BICC1: variants seen among roughly 807,000 people sequenced by gnomAD.
The protein encoded by BICC1 is BicC family RNA binding protein 1, also known as protein bicaudal C homolog 1.
BICC1 carries 43 observed loss-of-function variants against 111.0 expected under a neutral mutation model. The observed-to-expected ratio is 0.39, with a 90% CI of 0.30 to 0.50. The LOEUF is 0.50. BICC1 is among the 20% of genes least tolerant of loss of function. The pLI is 0.88. For synonymous variants in BICC1, 467 were observed against 434.4 expected (o/e 1.07, Z -0.93); for missense variants, 1,091 against 1,203.2 (o/e 0.91, Z 1.38).
At chr10:58,548,639 A>G (rs903314665) in intron 1 of BICC1, among the ~76,000 whole-genome samples, 1 of 151,838 alleles carries the variant, frequency 6.6e-6, no homozygotes, top group Non-Finnish European at 1.5e-5. Flanking sequence ...TTCAACCCTC[A>G]CCCCTTCCGA....
intron 3 of BICC1, among the ~76,000 whole-genome samples, chr10:58,741,874 C>T (rs1163252712): frequency 2.0e-5 from 3 of 152,102 alleles, no homozygotes; most frequent in Admixed American, 2.0e-4. Context: ...GCACTTTGAA[C>T]CAGCAATAGG....
chr10:58,789,732 T>C lies in BICC1; in HGVS notation c.846T>C (p.Ala282=), dbSNP rs145237525. Residue 282 remains alanine, a synonymous_variant, in exon 8 of 21, where the codon GCT becomes GCC. Transcript: ENST00000373886. Reference sequence around the variant, plus strand: ...ATCTTGCTGGGAGCTTAGCATCAGCTATTCCTGTGAGCACACAACTAGATA... The same window carrying C: ...ATCTTGCTGGGAGCTTAGCATCAGCCATTCCTGTGAGCACACAACTAGATA... ...LEHLAGSLAS[A]IPVSTQLDIA... 1.2e-3 allele frequency: 1,928 copies of C among 1,614,178 alleles called. 24 individuals are homozygous for C. In the African/African-American group the frequency reaches 0.023, roughly 19 times the overall value.
intron 2 of BICC1, among the ~76,000 whole-genome samples, chr10:58,672,477 T>C (rs1214082074): frequency 6.6e-6 from 1 of 152,212 alleles, no homozygotes; most frequent in Non-Finnish European, 1.5e-5. Flanking sequence ...GGAACCATGC[T>C]TCATATTGCA....
At chr10:58,530,275 A>G (rs1409703535) in intron 1 of BICC1, among the ~76,000 whole-genome samples, 5 of 151,892 alleles carry the variant, frequency 3.3e-5, no homozygotes. Context: ...GGCAAAGCCA[A>G]TACAATGATG....
intron 3 of BICC1, among the ~76,000 whole-genome samples, chr10:58,731,537 AT>A (rs1448593430): frequency 1.3e-5 from 2 of 152,232 alleles, no homozygotes; most frequent in African/African-American, 4.8e-5. Flanking sequence ...TAATAAAAAA[AT>A]ACATGAAACT....
intron 1 of BICC1, among the ~76,000 whole-genome samples, chr10:58,562,117 A>G (rs1843621878): frequency 6.6e-6 from 1 of 152,090 alleles, no homozygotes; most frequent in South Asian, 2.1e-4. Context: ...AATTAAATTT[A>G]CTTAAGGATT....
chr10:58,513,196 C>T lies in BICC1; in HGVS notation c.53C>T (p.Ser18Phe), dbSNP rs762678309. The T allele has an allele frequency of 1.9e-6, 3 of 1,599,252 alleles. No homozygotes were observed. The highest frequency in any genetic ancestry group is 2.6e-6 in the Non-Finnish European group (3 of 1,174,160). ...GYLAAQSDPG[S>F]NSERSTDSPV... ...CTGGCGGCGCAGTCGGACCCCGGCT[C>T]CAACAGCGAGCGCAGCACCGACTCC... is the stretch of plus-strand genomic sequence containing the variant. The change falls in exon 1 of 21, where the codon TCC becomes TTC. Residue 18 changes from serine to phenylalanine, a missense_variant. Coordinates refer to ENST00000373886, the MANE Select transcript of BICC1 (RefSeq NM_001080512.3).
intron 2 of BICC1, among the ~76,000 whole-genome samples, chr10:58,630,778 G>A (rs1457604242): frequency 6.6e-6 from 1 of 152,164 alleles, no homozygotes; most frequent in African/African-American, 2.4e-5. Flanking sequence ...AAAATTTGGT[G>A]TTTGTAGAGT....
intron 3 of BICC1, among the ~76,000 whole-genome samples, chr10:58,745,671 A>ATCTC (rs1420100919): frequency 1.5e-5 from 2 of 129,710 alleles, no homozygotes; most frequent in African/African-American, 5.9e-5. Flanking sequence ...CTGTAGTCAC[A>ATCTC]TCTCTCTCTG....
chr10:58,650,004 A>G (rs1455010757), intron 2 of BICC1: 2 of 152,106 alleles, frequency 1.3e-5, no homozygotes, highest in East Asian at 1.9e-4. Flanking sequence ...TTGACTCACT[A>G]CGTAGCTACA....
intron 18 of BICC1, among the ~76,000 whole-genome samples, chr10:58,816,539 A>G (rs1844094036): frequency 6.6e-6 from 1 of 152,272 alleles, no homozygotes; most frequent in Non-Finnish European, 1.5e-5. Flanking sequence ...GTGCAGAACA[A>G]GATTCCTAGA....
intron 1 of BICC1, among the ~76,000 whole-genome samples, chr10:58,613,292 T>C (rs1845493539): frequency 6.6e-6 from 1 of 152,190 alleles, no homozygotes; most frequent in Non-Finnish European, 1.5e-5. Flanking sequence ...GCAGACGTTA[T>C]ATTGTAAAGA....
At chr10:58,817,150 C>G (rs954103381) in intron 18 of BICC1, among the ~76,000 whole-genome samples, 4 of 152,062 alleles carry the variant, frequency 2.6e-5, no homozygotes, top group Non-Finnish European at 5.9e-5. Context: ...AGAGAGCCAC[C>G]CTGCCATCCA....
intron 3 of BICC1, chr10:58,715,843 G>A: frequency 2.4e-6 from 3 of 1,259,986 alleles, no homozygotes; most frequent in Non-Finnish European, 3.4e-6. Flanking sequence ...AAAGAAAAAA[G>A]AAAAGAAGAA....
At chr10:58,784,423 T>C (rs949212148) in intron 3 of BICC1, among the ~76,000 whole-genome samples, 1 of 151,948 alleles carries the variant, frequency 6.6e-6, no homozygotes, top group Non-Finnish European at 1.5e-5. Flanking sequence ...AAAGTTAAGG[T>C]TTTTTTTCTA....
At position 58,796,455 on chromosome 10, in the gene BICC1, C is replaced by T. The variant is rs1437634197; in HGVS notation, c.1295C>T (p.Ser432Phe). The T allele has an allele frequency of 1.9e-6, 3 of 1,614,150 alleles. No homozygotes were observed. The South Asian group carries it at 3.3e-5, about 18-fold the overall frequency. The change falls in exon 10 of 21, where the codon TCC (serine) becomes TTC (phenylalanine). Residue 432 changes from serine (S) to phenylalanine (F), a missense_variant. This residue lies in a region of BICC1 where 843 missense variants were observed against 900.8 expected (regional missense o/e 0.94). Coordinates refer to ENST00000373886, the MANE Select transcript of BICC1 (RefSeq NM_001080512.3). ...ATAGCAACCAGTCCATCCCCAGCAT[C>T]CTGCCCTGCCGGCCTGGCATGTCCC... is the stretch of plus-strand genomic sequence containing the variant. ...VTIATSPSPA[S>F]CPAGLACPSL... is the part of the protein sequence containing the mutation.
chr10:58,552,581 C>T (rs540810979), intron 1 of BICC1, among the ~76,000 whole-genome samples: 7 of 152,172 alleles, frequency 4.6e-5, no homozygotes, highest in Non-Finnish European at 8.8e-5. Flanking sequence ...GTGATCCACC[C>T]GCCTCGGCGT....
intron 1 of BICC1, among the ~76,000 whole-genome samples, chr10:58,546,472 G>A (rs181211284): frequency 2.6e-5 from 4 of 152,262 alleles, no homozygotes; most frequent in Admixed American, 2.0e-4. Flanking sequence ...TTCAGATTAC[G>A]AAAAATATTT....
intron 9 of BICC1, among the ~76,000 whole-genome samples, chr10:58,794,053 A>G (rs1026835400): frequency 8.5e-5 from 13 of 152,108 alleles, no homozygotes; most frequent in Non-Finnish European, 1.6e-4. Context: ...TAGAGTAACC[A>G]TTATTTTTCC....
Sources: allele counts gnomAD v4.1 joint callset (sites outside exome capture counted in the v4.1 genomes callset), GRCh38; gene constraint gnomAD v4.1.1; regional missense constraint gnomAD v4.1.1; transcripts MANE v1.5; gene names NCBI Gene and HGNC (gene_info 2026-07-23, HGNC 2026-07-21).